ABCB8: variants seen among roughly 807,000 people sequenced by gnomAD.
ABCB8 encodes the protein mitochondrial potassium channel ATP-binding subunit.
In ABCB8, 52 loss-of-function variants were observed where a neutral mutation model predicts 73.0. The ratio of observed to expected loss-of-function variants is 0.71; its 90% CI spans 0.57 to 0.90. ABCB8 has a LOEUF of 0.90. ABCB8 is among the 40% of genes least tolerant of loss of function. ABCB8 has a pLI of 0.00. For missense variants in ABCB8, 909 were observed against 974.6 expected, an observed-to-expected ratio of 0.93 and a Z score of 0.90; for synonymous variants, 428 against 423.5, an observed-to-expected ratio of 1.01 and a Z score of -0.13.
At position 151,045,483 on chromosome 7, in the gene ABCB8, A is replaced by G. The variant is rs1462255899; in HGVS notation, c.*134A>G. 5.1e-6 allele frequency: 6 copies of G among 1,175,458 alleles called. No homozygotes were observed. The South Asian group carries it at 1.2e-4, about 24-fold the overall frequency. 72.8% of individuals were successfully genotyped at this position (1,175,458 alleles called of 1,614,324 possible). On this transcript the variant is annotated 3_prime_UTR_variant, in exon 16 of 16. Transcript: ENST00000358849. ...AGTCGCTGCGGCTGCTCCTGCTCAC[A>G]ATAAAGCCGGGGCCGAGCAGCTGGC...
intron 1 of ABCB8, among the ~76,000 whole-genome samples, chr7:151,030,342 C>T (rs1038085148): frequency 1.3e-5 from 2 of 151,350 alleles, no homozygotes; most frequent in African/African-American, 2.4e-5. Flanking sequence ...TGGTGAAACC[C>T]CGTCTCTGCT....
At chr7:151,030,510 C>CAAATAAATAAAT (rs59305252) in intron 1 of ABCB8, among the ~76,000 whole-genome samples, 57,810 of 150,002 alleles carry the variant, frequency 0.39, 11,482 homozygotes, top group African/African-American at 0.5. Context: ...GACTCCGTCT[C>CAAATAAATAAAT]AAATAAATAA....
chr7:151,041,931 G>A (rs1405283865), intron 13 of ABCB8, 30 bp from the exon 14 acceptor site: 1 of 1,608,196 alleles, frequency 6.2e-7, no homozygotes, highest in South Asian at 1.1e-5. Context: ...TGTTTCTATG[G>A]ACTCTGTCTC....
At chr7:151,037,490 G>A (rs537366632) in intron 9 of ABCB8, 3 of 609,574 alleles carry the variant, frequency 4.9e-6, no homozygotes, top group African/African-American at 3.7e-5. Flanking sequence ...GCTCAAGGCG[G>A]GCCTCCCCCC....
At chr7:151,029,132 T>A in intron 1 of ABCB8, 1 of 506,590 alleles carries the variant, frequency 2.0e-6, no homozygotes, top group Non-Finnish European at 2.7e-6. Context: ...AAACCTCGTC[T>A]CTACTAAAAA....
chr7:151,032,363 A>G (rs1796186281), intron 1 of ABCB8, among the ~76,000 whole-genome samples: 1 of 152,332 alleles, frequency 6.6e-6, no homozygotes, highest in South Asian at 2.1e-4. Context: ...ATGTAACTCC[A>G]TAACTCCGAG....
intron 9 of ABCB8, chr7:151,037,192 A>G: frequency 1.4e-6 from 1 of 702,894 alleles, no homozygotes. Context: ...GTGGAGTCAG[A>G]CTATGTCCTT....
In ABCB8 at chr7:151,041,127, G is replaced by A; in HGVS notation, c.1512G>A (p.Glu504=). The A allele has an allele frequency of 1.2e-6, 2 of 1,613,296 alleles. No individual in the cohort carries two copies. The highest frequency in any genetic ancestry group is 1.7e-6 in the Non-Finnish European group (2 of 1,179,998). ...GGKTTVASLL[E]RFYDPTAGVV... is the part of the protein sequence containing the mutation. ...AGACCACCGTGGCTTCCCTGCTGGA[G>A]CGCTTCTACGACCCCACGGCAGGCG... The change falls in exon 13 of 16, where the codon GAG becomes GAA. Residue 504 remains glutamate, a synonymous_variant. Transcript: ENST00000358849.
In ABCB8 at chr7:151,046,621, G is replaced by T. The variant is rs1395537540; in HGVS notation, c.*1272G>T. 6.6e-6 allele frequency: 1 copy of T among 152,290 alleles called. No individual in the cohort carries two copies. Among genetic ancestry groups the T allele is most frequent in the African/African-American group, 2.4e-5 (1 of 41,468 alleles). 9.4% of individuals were successfully genotyped at this position (152,290 alleles called of 1,614,324 possible). On this transcript the variant is annotated 3_prime_UTR_variant, in exon 16 of 16. Transcript: ENST00000358849. ...AGGCTGTGGGACTACACGGTGCCCT[G>T]TTCCCCTGGGCAGGAGAAGAGGTGG...
At chr7:151,041,887 A>G in intron 13 of ABCB8, 74 bp from the exon 14 acceptor site, 1 of 1,540,956 alleles carries the variant, frequency 6.5e-7, no homozygotes, top group Non-Finnish European at 8.9e-7. Flanking sequence ...CCCATTGTGT[A>G]TGGTGGCCCC....
rs142770823 is a variant in ABCB8 at position 151,044,139 on chromosome 7, C to T, written c.1934C>T (p.Thr645Met). The change falls in exon 15 of 16, where the codon ACG becomes ATG. Residue 645 changes from threonine to methionine, a missense_variant. Thr to Met is a moderately conservative substitution (Grantham distance 81, BLOSUM62 -1). Transcript: ENST00000358849. ...CTGGACCGGGCCAGTGCAGGCCGCA[C>T]GGTGCTGGTAATTGCCCACCGGCTC... ...EALDRASAGR[T>M]VLVIAHRLST... The T allele has an allele frequency of 1.1e-5, 17 of 1,613,832 alleles. No homozygotes were observed. The highest frequency in any genetic ancestry group is 3.3e-5 in the Admixed American group (2 of 60,008).
In ABCB8 at chr7:151,033,809, G is replaced by C. The variant is rs761014611; in HGVS notation, c.300G>C (p.Glu100Asp). The C allele has an allele frequency of 3.7e-6, 6 of 1,613,956 alleles. No homozygotes were observed. In the Admixed American group the frequency reaches 1.0e-4, roughly 27 times the overall value. Residue 100 changes from glutamate to aspartate, a missense_variant, in exon 2 of 16, where the codon GAG (glutamate) becomes GAC (aspartate). Physicochemically the swap from Glu to Asp is conservative, Grantham distance 45. Coordinates refer to ENST00000358849, the MANE Select transcript of ABCB8 (RefSeq NM_007188.5). ...LCLVALCEAE[E>D]APPASSTPHV... is the part of the protein sequence containing the mutation. ...TTGTGGCCCTGTGTGAGGCAGAAGA[G>C]GCCCCTCCTGCCAGCTCCACACCCC... is the stretch of plus-strand genomic sequence containing the variant.
intron 13 of ABCB8, among the ~76,000 whole-genome samples, chr7:151,041,538 T>C (rs1796465729): frequency 6.6e-6 from 1 of 152,204 alleles, no homozygotes; most frequent in South Asian, 2.1e-4. Flanking sequence ...GAGAAGCCTA[T>C]AGTGGAGGTG....
At chr7:151,041,298 G>A in intron 13 of ABCB8, 66 bp downstream of exon 13, 1 of 1,503,326 alleles carries the variant, frequency 6.7e-7, no homozygotes, top group African/African-American at 1.4e-5. Context: ...TGCCCCCTTA[G>A]TCCTCAGGTG....
rs370706550 is a variant in ABCB8 at position 151,040,815 on chromosome 7, C to T, written c.1389-13C>T. 124 of 1,586,202 alleles carry T rather than the reference C, an allele frequency of 7.8e-5. No individual in the cohort carries two copies. Among genetic ancestry groups the T allele is most frequent in the African/African-American group, 3.0e-4 (22 of 74,310 alleles). ...GAGCCTGGTCTGACTGGGGGTCTCT[C>T]GGCTCCTCCCAGCTACCCCTGCCGC... On this transcript the variant is annotated splice_polypyrimidine_tract_variant and intron_variant, in intron 11 of 15. Coordinates refer to ENST00000358849, the MANE Select transcript of ABCB8 (RefSeq NM_007188.5).
chr7:151,029,703 C>T (rs1796102362), intron 1 of ABCB8: 3 of 152,044 alleles, frequency 2.0e-5, no homozygotes, highest in Admixed American at 2.0e-4. Flanking sequence ...GGGGTTTCAT[C>T]ATATTGGTGG....
At position 151,036,607 on chromosome 7, in the gene ABCB8, G is replaced by A. The variant is rs1219731092; in HGVS notation, c.1175G>A (p.Gly392Glu). 7.4e-6 allele frequency: 12 copies of A among 1,613,448 alleles called. No individual in the cohort carries two copies. Among genetic ancestry groups the A allele is most frequent in the Non-Finnish European group, 9.3e-6 (11 of 1,179,650 alleles). The change falls in exon 9 of 16, where the codon GGA becomes GAA. Residue 392 changes from glycine to glutamate, a missense_variant. Physicochemically the swap from Gly to Glu is moderately conservative, Grantham distance 98 (BLOSUM62 -2). Transcript: ENST00000358849. The stretch of plus-strand genomic sequence containing the variant: ...GTGGCCGGACAGCAGCTGACAGGGG[G>A]AGACCTCATGTCCTTCCTGGTGGCC... ...SLVAGQQLTG[G>E]DLMSFLVASQ...
chr7:151,038,794 C>G (rs1335481296), intron 9 of ABCB8: 4 of 152,266 alleles, frequency 2.6e-5, no homozygotes, highest in Non-Finnish European at 4.4e-5. Flanking sequence ...TAGACCCATC[C>G]TCTTGGAGGT....
chr7:151,037,324 C>G, intron 9 of ABCB8: 1 of 702,804 alleles, frequency 1.4e-6, no homozygotes, highest in Non-Finnish European at 2.6e-6. Flanking sequence ...CCTTGACAGG[C>G]TGTGTGAGCT....
Sources: gnomAD v4.1 joint callset for allele counts (sites outside exome capture counted in the v4.1 genomes callset) on GRCh38, gnomAD v4.1.1 for gene constraint, MANE v1.5 for transcripts, NCBI Gene and HGNC (gene_info 2026-07-23, HGNC 2026-07-21) for gene names.